Variants in PALM observed in about 807,000 individuals in gnomAD.
PALM encodes the protein paralemmin, also known as paralemmin-1.
A neutral mutation model predicts 30.7 loss-of-function variants in PALM; 18 were observed. The ratio of observed to expected loss-of-function variants is 0.59; its 90% CI spans 0.41 to 0.87. PALM has a LOEUF of 0.87. Ranked by LOEUF, PALM falls within the 40% of genes least tolerant of loss-of-function variation. The probability of loss-of-function intolerance (pLI) is 0.00; values close to 1 mark genes in which losing one functional copy is unlikely to be tolerated. For synonymous variants in PALM, 286 were observed against 242.8 expected (o/e 1.18, Z -1.66); for missense variants, 529 against 555.4 (o/e 0.95, Z 0.48).
chr19:715,969 G>GAGGA (rs2032241685), intron 1 of PALM, among the ~76,000 whole-genome samples: 1 of 152,144 alleles, frequency 6.6e-6, no homozygotes, highest in Non-Finnish European at 1.5e-5. Context: ...GGACGTCTTG[G>GAGGA]TGTCTGAGGA....
intron 7 of PALM, among the ~76,000 whole-genome samples, chr19:736,313 G>A (rs904543099): frequency 1.3e-5 from 2 of 152,178 alleles, no homozygotes; most frequent in African/African-American, 4.8e-5. Context: ...CGAGAAGACG[G>A]GCCCCACGCA....
chr19:730,611 C>T (rs569225907), intron 4 of PALM, among the ~76,000 whole-genome samples: 1 of 152,330 alleles, frequency 6.6e-6, no homozygotes, highest in African/African-American at 2.4e-5. Context: ...CCCGCCTCTG[C>T]TACCTGCTGG....
chr19:711,807 C>T (rs962883043), intron 1 of PALM, among the ~76,000 whole-genome samples: 7 of 152,032 alleles, frequency 4.6e-5, no homozygotes, highest in African/African-American at 7.2e-5. Flanking sequence ...AAGGTGGTTT[C>T]TTTCTTTTTT....
chr19:720,649 G>A (rs1443311627), intron 1 of PALM, among the ~76,000 whole-genome samples: 1 of 151,324 alleles, frequency 6.6e-6, no homozygotes, highest in African/African-American at 2.4e-5. Flanking sequence ...CGGGGGCCAG[G>A]GGGGCGCGTC....
At chr19:725,333 C>T (rs920182089) in intron 1 of PALM, among the ~76,000 whole-genome samples, 6 of 146,204 alleles carry the variant, frequency 4.1e-5, no homozygotes, top group Non-Finnish European at 6.0e-5. Context: ...CCAAGGCGGG[C>T]GGATCACCTG....
At position 737,175 on chromosome 19, in the gene PALM, G is replaced by T. The variant is rs531986160; in HGVS notation, c.502+1097G>T. ...GGTCTCCAGCACGGTCCAGGGTGGG[G>T]GTTGCCCCAGGATGCAGCAGACAGA... On this transcript the variant is annotated intron_variant, in intron 7 of 8. Transcript: ENST00000338448. Among the ~76,000 whole-genome samples the T allele has an allele frequency of 2.0e-5, 3 of 152,326 alleles. No individual in the cohort carries two copies. The Middle Eastern group carries it at 0.01, about 518-fold the overall frequency.
At chr19:745,524 G>A in intron 8 of PALM, among the ~76,000 whole-genome samples, 1 of 148,600 alleles carries the variant, frequency 6.7e-6, no homozygotes, top group East Asian at 2.1e-4. Context: ...TGAAACCCCA[G>A]CTCTATTAAA....
chr19:738,322 C>T (rs533292270), intron 7 of PALM, among the ~76,000 whole-genome samples: 3 of 152,084 alleles, frequency 2.0e-5, no homozygotes, highest in South Asian at 4.2e-4. Flanking sequence ...GTCAGGAGAT[C>T]GAGACCATCT....
In PALM at chr19:734,111, G is replaced by A. The variant is rs966267687; in HGVS notation, c.421-62G>A. 3.8e-6 allele frequency: 6 copies of A among 1,564,796 alleles called. No homozygotes were observed. In the African/African-American group the frequency reaches 6.8e-5, roughly 18 times the overall value. ...GCCCTCCCCAGGCTCCTGACCCCAT[G>A]GCTCCCCTTCCTCTTCCCGGGGATG... On this transcript the variant is annotated intron_variant, in intron 5 of 8. Transcript: ENST00000338448.
intron 7 of PALM, among the ~76,000 whole-genome samples, chr19:739,627 G>GCTGTGAT (rs2033127147): frequency 6.6e-6 from 1 of 152,088 alleles, no homozygotes; most frequent in African/African-American, 2.4e-5. Flanking sequence ...ACTGCAGTGA[G>GCTGTGAT]CTGTGATCGT....
chr19:731,478 G>A (rs1295843852), intron 5 of PALM, among the ~76,000 whole-genome samples: 1 of 152,142 alleles, frequency 6.6e-6, no homozygotes, highest in Non-Finnish European at 1.5e-5. Context: ...AATCAGAGCA[G>A]CCACCGCTGG....
chr19:740,603 G>GTGGCC, intron 8 of PALM, 120 bp downstream of exon 8: 1 of 998,076 alleles, frequency 1.0e-6, no homozygotes. Context: ...ATGTGAAGCA[G>GTGGCC]ATGACGCTGT....
At position 747,813 on chromosome 19, in the gene PALM, C is replaced by T. The variant is rs922398801; in HGVS notation, c.*999C>T. 1.3e-5 allele frequency: 2 copies of T among 152,712 alleles called. No homozygotes were observed. The highest frequency in any genetic ancestry group is 2.9e-5 in the Non-Finnish European group (2 of 68,196). The allele number at this position is 152,712 out of a possible 1,614,324, so 9.5% of individuals were successfully genotyped here. On this transcript the variant is annotated 3_prime_UTR_variant, in exon 9 of 9. Coordinates refer to ENST00000338448, the MANE Select transcript of PALM (RefSeq NM_002579.3). ...GCCTCTTGGGTTGGAGCAGGAGACC[C>T]TCATTTGCCACCCAGACCAATGTGA...
At chr19:732,937 GTGT>G (rs561913554) in intron 5 of PALM, among the ~76,000 whole-genome samples, 414 of 150,130 alleles carry the variant, frequency 2.8e-3, no homozygotes, top group Non-Finnish European at 4.4e-3. Flanking sequence ...TGGTTTTTTT[GTGT>G]TTTTTTTTTT....
At chr19:745,229 C>A (rs536464761) in intron 8 of PALM, among the ~76,000 whole-genome samples, 27 of 152,230 alleles carry the variant, frequency 1.8e-4, no homozygotes, top group Non-Finnish European at 3.4e-4. Context: ...GGTGGGTGGT[C>A]CTGTCTTGTA....
intron 1 of PALM, among the ~76,000 whole-genome samples, chr19:725,634 C>T (rs1050699790): frequency 1.3e-5 from 2 of 152,132 alleles, no homozygotes; most frequent in East Asian, 1.9e-4. Context: ...CTTTGCTGTG[C>T]GTCCTTGGGA....
Position 709,816 on chromosome 19 carries a change from G to A in PALM, c.5+665G>A, listed in dbSNP as rs1035356962. Reference sequence around the variant, plus strand: ...CTGGGTGGGATACCCTCTCGGGGAAGTGTCTCGGAGCTGGGGCTCCACTGG... The same window carrying A: ...CTGGGTGGGATACCCTCTCGGGGAAATGTCTCGGAGCTGGGGCTCCACTGG... On this transcript the variant is annotated intron_variant, in intron 1 of 8. Transcript: ENST00000338448. This position sits in a 1 kb window ranked among gnomAD's most constrained non-coding sequence, Gnocchi z 4.3. Among the ~76,000 whole-genome samples the A allele has an allele frequency of 4.6e-5, 7 of 152,198 alleles. No homozygotes were observed. Among genetic ancestry groups the A allele is most frequent in the African/African-American group, 7.2e-5 (3 of 41,458 alleles).
At chr19:725,981 G>A (rs1013118283) in intron 1 of PALM, among the ~76,000 whole-genome samples, 157 bp from the exon 2 acceptor site, 11 of 152,216 alleles carry the variant, frequency 7.2e-5, no homozygotes, top group Admixed American at 7.2e-4. Flanking sequence ...GAGGGGGCAG[G>A]GAGGGCCCCA....
In PALM at chr19:747,292, T is replaced by C. The variant is rs1351095552; in HGVS notation, c.*478T>C. On this transcript the variant is annotated 3_prime_UTR_variant, in exon 9 of 9. Coordinates refer to ENST00000338448, the MANE Select transcript of PALM (RefSeq NM_002579.3). ...CTCAGGCCCTGGAAGTGAGGCTCTATGGGGTTCCCTGGCCAAGGCGCTGGC... is the reference window on the plus strand; with the variant it reads ...CTCAGGCCCTGGAAGTGAGGCTCTACGGGGTTCCCTGGCCAAGGCGCTGGC... 1 of 159,548 alleles carries C rather than the reference T, an allele frequency of 6.3e-6. No homozygotes were observed. Among genetic ancestry groups the C allele is most frequent in the East Asian group, 1.9e-4 (1 of 5,264 alleles). 9.9% of individuals were successfully genotyped at this position (159,548 alleles called of 1,614,324 possible). A position where few individuals can be genotyped will look rare whatever the true frequency, so the allele number is the denominator to read the frequency against.
Sources: gnomAD v4.1 joint callset for allele counts (sites outside exome capture counted in the v4.1 genomes callset) on GRCh38, gnomAD v4.1.1 for gene constraint, Gnocchi (gnomAD v3.1) non-coding constraint, MANE v1.5 for transcripts, NCBI Gene and HGNC (gene_info 2026-07-23, HGNC 2026-07-21) for gene names.